The following GGA1 variants were observed in gnomAD, a reference collection of about 807,000 sequenced individuals.
GGA1 encodes the protein ADP-ribosylation factor-binding protein GGA1.
Under a neutral mutation model 76.9 loss-of-function variants are expected in GGA1, and 18 were observed. That is an observed-to-expected ratio of 0.23 (90% CI 0.16 to 0.35). The LOEUF (loss-of-function observed/expected upper bound fraction) is 0.35, where lower values mean the gene tolerates loss of function less well. Ranked by LOEUF, GGA1 falls within the 10% of genes least tolerant of loss-of-function variation. GGA1 has a pLI of 1.00. For synonymous variants in GGA1, 342 were observed against 354.7 expected, an observed-to-expected ratio of 0.96 and a Z score of 0.40; for missense variants, 755 against 859.0, an observed-to-expected ratio of 0.88 and a Z score of 1.51.
At chr22:37,621,541 G>C in intron 6 of GGA1, 75 bp from the exon 7 acceptor site, 1 of 873,826 alleles carries the variant, frequency 1.1e-6, no homozygotes, top group South Asian at 1.5e-5. Context: ...GAAGCGGGGA[G>C]CCATCATGTG....
Position 37,623,176 on chromosome 22 carries a change from T to G in GGA1, c.610-151T>G, listed in dbSNP as rs932918207. On this transcript the variant is annotated intron_variant, in intron 7 of 16. Transcript: ENST00000343632. The surrounding 1 kb of genome is among the most constrained non-coding windows in gnomAD (Gnocchi z 4.6). ...GCCCTTCCTAGGCATGAGGGGCTCCTGGCAGGGCCTGCTGGAGCCCCACCC... is the reference window on the plus strand; with the variant it reads ...GCCCTTCCTAGGCATGAGGGGCTCCGGGCAGGGCCTGCTGGAGCCCCACCC... The G allele has an allele frequency of 5.2e-6, 4 of 766,554 alleles. No homozygotes were observed. In the Admixed American group the frequency reaches 6.2e-5, roughly 12 times the overall value. The allele number at this position is 766,554 out of a possible 1,614,324, so 47.5% of individuals were successfully genotyped here. A position where few individuals can be genotyped will look rare whatever the true frequency, so the allele number is the denominator to read the frequency against.
rs545291881 is a variant in GGA1, at chr22:37,620,493, G to A, written c.427+132G>A. ...GTCTGTCCTTTAACTTCTGGAGAAA[G>A]TACATACAGCTAGTGCGGCCTTCTG... On this transcript the variant is annotated intron_variant, in intron 5 of 16. Coordinates refer to ENST00000343632, the MANE Select transcript of GGA1 (RefSeq NM_013365.5). 8 of 952,194 alleles carry A rather than the reference G, an allele frequency of 8.4e-6. 1 individual carries two copies. In the South Asian group the frequency reaches 1.1e-4, roughly 13 times the overall value. The allele number at this position is 952,194 out of a possible 1,614,324, so 59.0% of individuals were successfully genotyped here.
rs970375586 is a variant in GGA1, at chr22:37,626,040, C to T, written c.1093+91C>T. On this transcript the variant is annotated intron_variant, in intron 11 of 16. Coordinates refer to ENST00000343632, the MANE Select transcript of GGA1 (RefSeq NM_013365.5). The stretch of plus-strand genomic sequence containing the variant: ...CACTCACAGCTAGCGGAACCACGTA[C>T]CCCAGGTGTGGATCCTGTGGGGCAC... The T allele has an allele frequency of 1.6e-5, 17 of 1,038,552 alleles. No homozygotes were observed. The African/African-American group carries it at 2.6e-4, about 16-fold the overall frequency. 64.3% of individuals were successfully genotyped at this position (1,038,552 alleles called of 1,614,324 possible).
At chr22:37,609,006 G>A (rs919074829) in intron 1 of GGA1, 103 bp downstream of exon 1, 11 of 1,361,320 alleles carry the variant, frequency 8.1e-6, no homozygotes, top group African/African-American at 1.5e-5. Context: ...CCCTCCTCAC[G>A]CCCCGCCCCC....
In GGA1 at chr22:37,633,056, C is replaced by T. The variant is rs764463061; in HGVS notation, c.*345C>T. 1.6e-5 allele frequency: 4 copies of T among 254,284 alleles called. No individual in the cohort carries two copies. The highest frequency in any genetic ancestry group is 3.1e-5 in the Non-Finnish European group (4 of 128,974). 15.8% of individuals were successfully genotyped at this position (254,284 alleles called of 1,614,324 possible). The stretch of plus-strand genomic sequence containing the variant: ...GCCAGGACCTCAGGCCCAGCCCCAA[C>T]CCCAGCTGGGGTGGGGTCTTCCCCA... On this transcript the variant is annotated 3_prime_UTR_variant, in exon 17 of 17. Coordinates refer to ENST00000343632, the MANE Select transcript of GGA1 (RefSeq NM_013365.5).
chr22:37,626,185 A>G (rs1930798782), intron 11 of GGA1: 1 of 381,028 alleles, frequency 2.6e-6, no homozygotes, highest in East Asian at 3.8e-5. Context: ...GGCCTCGGAT[A>G]AGCTAACCAG....
In GGA1 at chr22:37,632,230, G is replaced by A; in HGVS notation, c.1698+65G>A. On this transcript the variant is annotated intron_variant, in intron 15 of 16. Transcript: ENST00000343632. The surrounding 1 kb of genome is among the most constrained non-coding windows in gnomAD (Gnocchi z 5.1). ...AAGGCAGGGTGACATGGAGCTGGGT[G>A]GGGAGCCACCTGTCAGGGGGCAGGT... 1 of 1,518,246 alleles carries A rather than the reference G, an allele frequency of 6.6e-7. No homozygotes were observed. The highest frequency in any genetic ancestry group is 1.2e-5 in the South Asian group (1 of 84,458). The allele number at this position is 1,518,246 out of a possible 1,614,324, so 94.0% of individuals were successfully genotyped here. A position where few individuals can be genotyped will look rare whatever the true frequency, so the allele number is the denominator to read the frequency against.
intron 1 of GGA1, chr22:37,609,282 C>T (rs951601794): frequency 3.5e-6 from 4 of 1,131,602 alleles, no homozygotes; most frequent in Admixed American, 5.7e-5. Flanking sequence ...ATCTCACACC[C>T]GGGAGGGAGG....
intron 1 of GGA1, chr22:37,609,260 C>A: frequency 8.6e-7 from 1 of 1,157,204 alleles, no homozygotes; most frequent in Non-Finnish European, 1.1e-6. Flanking sequence ...GCGAGCGGTT[C>A]CCCGGGGTTG....
chr22:37,609,311 C>T, intron 1 of GGA1: 3 of 1,109,744 alleles, frequency 2.7e-6, no homozygotes, highest in Non-Finnish European at 3.3e-6. Flanking sequence ...TATTTTCAGG[C>T]CCCGAATCCT....
intron 11 of GGA1, among the ~76,000 whole-genome samples, chr22:37,628,019 G>T (rs1020818966): frequency 3.9e-5 from 6 of 152,204 alleles, no homozygotes; most frequent in Admixed American, 2.6e-4. Context: ...TAGACACACG[G>T]TTTCACCTGT....
intron 7 of GGA1, 77 bp downstream of exon 7, chr22:37,621,773 C>A: frequency 1.1e-6 from 1 of 916,154 alleles, no homozygotes; most frequent in Non-Finnish European, 1.7e-6. Flanking sequence ...GGGCTGTATG[C>A]ATCTTCACAT....
In GGA1 at chr22:37,630,890, TC is replaced by T; in HGVS notation, c.1332-8del. 1.3e-6 allele frequency: 2 copies of T among 1,596,542 alleles called. No homozygotes were observed. Among genetic ancestry groups the T allele is most frequent in the African/African-American group, 1.3e-5 (1 of 74,286 alleles). On this transcript the variant is annotated splice_polypyrimidine_tract_variant and intron_variant, in intron 13 of 16. Coordinates refer to ENST00000343632, the MANE Select transcript of GGA1 (RefSeq NM_013365.5). ...CCAAGAATCACTTCTTAATGCACTG[TC>T]CCCCGATTAAGGGAGAAGCAGCAGC...
intron 1 of GGA1, among the ~76,000 whole-genome samples, chr22:37,609,783 C>A (rs1927162103): frequency 6.6e-6 from 1 of 152,188 alleles, no homozygotes; most frequent in Non-Finnish European, 1.5e-5. Flanking sequence ...AGTGAGGGTT[C>A]TCTCCCAAGG....
rs756895397 is a variant in GGA1 at position 37,630,022 on chromosome 22, G to T, written c.1183G>T (p.Ala395Ser). Residue 395 changes from alanine to serine, a missense_variant, in exon 13 of 17, where the codon GCC (alanine) becomes TCC (serine). Physicochemically the swap from Ala to Ser is moderately conservative, Grantham distance 99 (BLOSUM62 1). Coordinates refer to ENST00000343632, the MANE Select transcript of GGA1 (RefSeq NM_013365.5). ...GTCGTCGGATGCCACTGAGCCCCCA[G>T]CCCCTGCTCTGGCCCAGGCCCCCAG... is the stretch of plus-strand genomic sequence containing the variant. The part of the protein sequence containing the change: ...FQSSDATEPP[A>S]PALAQAPSME... The T allele has an allele frequency of 3.6e-5, 57 of 1,579,466 alleles. No individual in the cohort carries two copies. Among genetic ancestry groups the T allele is most frequent in the South Asian group, 1.3e-4 (11 of 87,308 alleles).
At chr22:37,619,723 G>T in intron 4 of GGA1, 1 of 752,500 alleles carries the variant, frequency 1.3e-6, no homozygotes, top group Non-Finnish European at 2.5e-6. Flanking sequence ...CACCCCCTTG[G>T]CCCTTCCTTG....
In GGA1 at chr22:37,623,971, C is replaced by T. The variant is rs1292183749; in HGVS notation, c.832+338C>T. On this transcript the variant is annotated intron_variant, in intron 9 of 16. Coordinates refer to ENST00000343632, the MANE Select transcript of GGA1 (RefSeq NM_013365.5). This position sits in a 1 kb window ranked among gnomAD's most constrained non-coding sequence, Gnocchi z 4.6. ...AGAACAGTGGCAGAGCCAGGGGAGACGGAGGGCCATCTGCCCCCAGACCTT... is the reference window on the plus strand; with the variant it reads ...AGAACAGTGGCAGAGCCAGGGGAGATGGAGGGCCATCTGCCCCCAGACCTT... The T allele has an allele frequency of 1.1e-5, 3 of 265,908 alleles. No individual in the cohort carries two copies. Among genetic ancestry groups the T allele is most frequent in the South Asian group, 4.6e-5 (1 of 21,878 alleles). The allele number at this position is 265,908 out of a possible 1,614,324, so 16.5% of individuals were successfully genotyped here. A position where few individuals can be genotyped will look rare whatever the true frequency, so the allele number is the denominator to read the frequency against.
intron 7 of GGA1, among the ~76,000 whole-genome samples, chr22:37,622,103 A>C (rs1448368037): frequency 1.3e-5 from 2 of 151,950 alleles, no homozygotes; most frequent in African/African-American, 4.8e-5. Context: ...TTTTGAGACA[A>C]GGACTCACTC....
chr22:37,619,148 C>T (rs1929369428), intron 4 of GGA1, among the ~76,000 whole-genome samples: 1 of 152,246 alleles, frequency 6.6e-6, no homozygotes, highest in African/African-American at 2.4e-5. Context: ...GCTCCACAAC[C>T]TCCACCTCCT....
Sources: allele counts gnomAD v4.1 joint callset (sites outside exome capture counted in the v4.1 genomes callset), GRCh38; gene constraint gnomAD v4.1.1; non-coding constraint Gnocchi (gnomAD v3.1); transcripts MANE v1.5; gene names NCBI Gene and HGNC (gene_info 2026-07-23, HGNC 2026-07-21).